Variants in ANKRD31 observed in about 807,000 individuals in gnomAD.
The protein encoded by ANKRD31 is ankyrin repeat domain 31.
ANKRD31 carries 147 observed loss-of-function variants against 186.0 expected under a neutral mutation model. That is an observed-to-expected ratio of 0.79 (90% CI 0.69 to 0.91). The LOEUF (loss-of-function observed/expected upper bound fraction) is 0.91, where lower values mean the gene tolerates loss of function less well. ANKRD31 is among the 40% of genes least tolerant of loss of function. The probability of loss-of-function intolerance (pLI) is 0.00; values close to 1 mark genes in which losing one functional copy is unlikely to be tolerated. For missense variants in ANKRD31, 1,986 were observed against 2,148.8 expected (o/e 0.92, Z 1.50); for synonymous variants, 673 against 736.4 (o/e 0.91, Z 1.39).
intron 25 of ANKRD31, among the ~76,000 whole-genome samples, chr5:75,077,391 G>A (rs193291055): frequency 1.3e-5 from 2 of 152,074 alleles, no homozygotes; most frequent in Non-Finnish European, 2.9e-5. Flanking sequence ...ATGTGATATA[G>A]ATTTACATTA....
intron 11 of ANKRD31, among the ~76,000 whole-genome samples, chr5:75,161,052 T>C (rs1159874595): frequency 6.6e-6 from 1 of 151,884 alleles, no homozygotes; most frequent in South Asian, 2.1e-4. Context: ...TTGGTACCAG[T>C]AGAGTGGGGT....
intron 1 of ANKRD31, among the ~76,000 whole-genome samples, chr5:75,232,896 A>T (rs539432253): frequency 6.6e-6 from 1 of 152,186 alleles, no homozygotes; most frequent in Non-Finnish European, 1.5e-5. Context: ...GAAAAGAAAC[A>T]TTTCTCAATA....
At chr5:75,232,015 T>C (rs1004796295) in intron 1 of ANKRD31, among the ~76,000 whole-genome samples, 1 of 152,170 alleles carries the variant, frequency 6.6e-6, no homozygotes, top group Non-Finnish European at 1.5e-5. Flanking sequence ...TTAACTTTTC[T>C]ATTATAACAC....
At chr5:75,209,633 C>T (rs1328777759) in intron 4 of ANKRD31, among the ~76,000 whole-genome samples, 4 of 152,146 alleles carry the variant, frequency 2.6e-5, no homozygotes, top group African/African-American at 9.7e-5. Context: ...CCCGAGATCA[C>T]ACCACTGCAC....
chr5:75,090,899 C>A (rs1209798620), intron 23 of ANKRD31, among the ~76,000 whole-genome samples: 3 of 152,178 alleles, frequency 2.0e-5, no homozygotes, highest in Non-Finnish European at 4.4e-5. Flanking sequence ...AACTAAGTTA[C>A]CAATACACCA....
intron 17 of ANKRD31, 64 bp downstream of exon 17, chr5:75,137,792 C>A: frequency 1.5e-6 from 2 of 1,294,094 alleles, no homozygotes; most frequent in Admixed American, 3.6e-5. Flanking sequence ...TTTAAAAAAT[C>A]TTCATTTTCT....
intron 3 of ANKRD31, among the ~76,000 whole-genome samples, chr5:75,214,386 A>T (rs1401290610): frequency 6.6e-6 from 1 of 152,258 alleles, no homozygotes; most frequent in African/African-American, 2.4e-5. Flanking sequence ...TTAAAGAGCC[A>T]GGAAAAGTAT....
At chr5:75,137,027 G>T (rs528862548) in intron 17 of ANKRD31, among the ~76,000 whole-genome samples, 1 of 152,038 alleles carries the variant, frequency 6.6e-6, no homozygotes, top group Non-Finnish European at 1.5e-5. Context: ...GTGGGGGTAG[G>T]GGGGAGGGAT....
intron 25 of ANKRD31, 113 bp from the exon 26 acceptor site, chr5:75,068,777 G>T: frequency 9.1e-7 from 1 of 1,099,476 alleles, no homozygotes; most frequent in Non-Finnish European, 1.2e-6. Context: ...ACACATAACA[G>T]GTTTTCTGAT....
intron 10 of ANKRD31, among the ~76,000 whole-genome samples, chr5:75,169,416 A>G (rs1288794639): frequency 6.6e-6 from 1 of 152,174 alleles, no homozygotes; most frequent in Non-Finnish European, 1.5e-5. Flanking sequence ...AGTCATTATC[A>G]ACTCAAAGTG....
intron 17 of ANKRD31, among the ~76,000 whole-genome samples, chr5:75,132,430 A>G (rs1197627905): frequency 1.3e-5 from 2 of 152,224 alleles, no homozygotes; most frequent in Admixed American, 1.3e-4. Flanking sequence ...ATTGAAGATC[A>G]AATGAATGAA....
intron 2 of ANKRD31, 134 bp from the exon 3 acceptor site, chr5:75,222,492 T>TAAA (rs67593579): frequency 3.7e-5 from 24 of 640,506 alleles, no homozygotes; most frequent in African/African-American, 1.2e-4. Flanking sequence ...TCATTTCTTC[T>TAAA]AAAAAAAAAC....
intron 17 of ANKRD31, among the ~76,000 whole-genome samples, chr5:75,133,390 C>G (rs1382728650): frequency 6.6e-5 from 10 of 151,256 alleles, no homozygotes; most frequent in East Asian, 1.9e-4. Flanking sequence ...AGACTTTAAA[C>G]CAACAAAGAC....
chr5:75,105,342 C>T (rs777756826), intron 21 of ANKRD31, 124 bp from the exon 22 acceptor site: 13 of 1,064,610 alleles, frequency 1.2e-5, no homozygotes, highest in Non-Finnish European at 1.2e-5. Context: ...CAAAACTATG[C>T]CTGTGCAATT....
intron 22 of ANKRD31, among the ~76,000 whole-genome samples, chr5:75,095,714 A>C (rs1429881844): frequency 1.3e-5 from 2 of 152,182 alleles, no homozygotes; most frequent in East Asian, 3.8e-4. Context: ...CCAAAGCAAA[A>C]GAGTAGTGAT....
chr5:75,166,437 C>T (rs1239142215), intron 11 of ANKRD31, among the ~76,000 whole-genome samples: 1 of 152,182 alleles, frequency 6.6e-6, no homozygotes, highest in African/African-American at 2.4e-5. Context: ...CGCCACTACA[C>T]TCCAGCCTGG....
At chr5:75,094,235 A>G (rs561944367) in intron 22 of ANKRD31, among the ~76,000 whole-genome samples, 44 of 152,294 alleles carry the variant, frequency 2.9e-4, no homozygotes, top group African/African-American at 8.2e-4. Flanking sequence ...AAGGATAAAT[A>G]AGAAGGTAGG....
intron 12 of ANKRD31, among the ~76,000 whole-genome samples, chr5:75,153,911 GT>G (rs1751997861): frequency 6.6e-6 from 1 of 152,056 alleles, no homozygotes; most frequent in South Asian, 2.1e-4. Context: ...ATCATATCAT[GT>G]TATTTAGTCA....
rs1754896749 is a variant in ANKRD31, at chr5:75,188,620, A to T, written c.1437T>A (p.Leu479=). ...KEKMKVNKIS[L]HSINRRNIFG... ...AAATGTTTCTCCGGTTAATGCTATG[A>T]AGAGATATTTTGTTCACCTTCATTT... Residue 479 remains leucine, a synonymous_variant, in exon 10 of 26, where the codon CTT becomes CTA. Transcript: ENST00000506364. 1 of 1,533,924 alleles carries T rather than the reference A, an allele frequency of 6.5e-7. No individual in the cohort carries two copies. The highest frequency in any genetic ancestry group is 8.7e-7 in the Non-Finnish European group (1 of 1,145,750).
Sources: allele counts gnomAD v4.1 joint callset (sites outside exome capture counted in the v4.1 genomes callset), GRCh38; gene constraint gnomAD v4.1.1; transcripts MANE v1.5; gene names NCBI Gene and HGNC (gene_info 2026-07-23, HGNC 2026-07-21).